Variants in VDAC1 observed in about 807,000 individuals in gnomAD.
The protein encoded by VDAC1 is non-selective voltage-gated ion channel VDAC1.
A neutral mutation model predicts 34.7 loss-of-function variants in VDAC1; 10 were observed. The ratio of observed to expected loss-of-function variants is 0.29; its 90% CI spans 0.18 to 0.49. VDAC1 has a LOEUF of 0.49. Among genes scored for constraint, VDAC1 ranks in the 20% least tolerant of loss-of-function variants. The pLI is 0.99. For missense variants in VDAC1, 230 were observed against 347.9 expected (o/e 0.66, Z 2.69); for synonymous variants, 130 against 136.0 (o/e 0.96, Z 0.30).
chr5:133,994,828 T>A (rs1753235449), intron 1 of VDAC1, among the ~76,000 whole-genome samples: 1 of 151,678 alleles, frequency 6.6e-6, no homozygotes, highest in African/African-American at 2.4e-5. Flanking sequence ...GGCCACAAAC[T>A]CAGCCGGGGT....
the VDAC1 span, among the ~76,000 whole-genome samples, chr5:134,072,673 C>T: frequency 6.6e-6 from 1 of 152,174 alleles, no homozygotes; most frequent in African/African-American, 2.4e-5. Flanking sequence ...GTCCAAGCCA[C>T]CAAGTAAGCC....
intron 1 of VDAC1, among the ~76,000 whole-genome samples, chr5:134,004,161 G>C (rs2302033): frequency 6.6e-6 from 1 of 151,950 alleles, no homozygotes; most frequent in Non-Finnish European, 1.5e-5. Context: ...CTGGGGACTC[G>C]GGGCCACGGT....
the VDAC1 span, among the ~76,000 whole-genome samples, chr5:134,074,278 CT>C: frequency 1.3e-5 from 2 of 151,214 alleles, no homozygotes; most frequent in Non-Finnish European, 2.9e-5. Context: ...TGCCATTACA[CT>C]GGGCCACAGA....
intron 6 of VDAC1, among the ~76,000 whole-genome samples, chr5:133,979,799 G>A (rs545760210): frequency 3.9e-5 from 6 of 152,184 alleles, no homozygotes; most frequent in South Asian, 2.1e-4. Context: ...TAACCATGAC[G>A]ACAGTCAGAA....
the VDAC1 span, among the ~76,000 whole-genome samples, chr5:134,040,101 C>CGA: frequency 9.0e-3 from 1,368 of 152,256 alleles, 24 homozygotes; most frequent in African/African-American, 0.031. Context: ...TTTTGGCACC[C>CGA]GAGAGAGAGA....
intron 6 of VDAC1, among the ~76,000 whole-genome samples, chr5:133,976,614 C>A (rs1339778164): frequency 6.6e-6 from 1 of 150,410 alleles, no homozygotes; most frequent in African/African-American, 2.4e-5. Context: ...CAGGATATAG[C>A]TTGGGCAACA....
At chr5:134,086,665 T>C in the VDAC1 span, among the ~76,000 whole-genome samples, 1 of 152,180 alleles carries the variant, frequency 6.6e-6, no homozygotes, top group African/African-American at 2.4e-5. Context: ...TCCTTCTTTT[T>C]CTTCCTTCTT....
At chr5:134,001,050 C>T (rs570249822) in intron 1 of VDAC1, among the ~76,000 whole-genome samples, 1 of 152,264 alleles carries the variant, frequency 6.6e-6, no homozygotes, top group South Asian at 2.1e-4. Flanking sequence ...CCAGTTGGCC[C>T]GCACACAGCC....
intron 5 of VDAC1, among the ~76,000 whole-genome samples, chr5:133,982,511 CAAAA>C (rs147731334): frequency 1.2e-5 from 1 of 81,312 alleles, no homozygotes; most frequent in African/African-American, 4.7e-5. Flanking sequence ...GACTCCGTCT[CAAAA>C]AAAAAAAAAA....
intron 1 of VDAC1, among the ~76,000 whole-genome samples, chr5:133,997,040 T>C (rs1190751198): frequency 2.6e-5 from 4 of 152,214 alleles, no homozygotes; most frequent in Admixed American, 2.6e-4. Context: ...AGAGCCACTG[T>C]TGAGTGACTA....
At chr5:134,029,416 T>C in the VDAC1 span, among the ~76,000 whole-genome samples, 60 of 152,356 alleles carry the variant, frequency 3.9e-4, no homozygotes, top group African/African-American at 1.4e-3. Flanking sequence ...GGAATCTGTA[T>C]TTTGTCACAC....
At chr5:134,113,475 G>A in the VDAC1 span, among the ~76,000 whole-genome samples, 1 of 152,224 alleles carries the variant, frequency 6.6e-6, no homozygotes, top group Non-Finnish European at 1.5e-5. Context: ...GCTTTGCACC[G>A]CTGCCAGGGG....
chr5:134,059,592 A>G, the VDAC1 span, among the ~76,000 whole-genome samples: 302 of 152,196 alleles, frequency 2.0e-3, no homozygotes, highest in Admixed American at 3.6e-3. Flanking sequence ...AGCTGACCCC[A>G]CAGGCCTCTG....
the VDAC1 span, among the ~76,000 whole-genome samples, chr5:134,097,985 G>A: frequency 1.3e-5 from 2 of 151,644 alleles, no homozygotes; most frequent in African/African-American, 2.4e-5. Flanking sequence ...TTCTCCAGCC[G>A]CAACTTCCCG....
chr5:134,021,003 CA>C, the VDAC1 span, among the ~76,000 whole-genome samples: 49,098 of 139,236 alleles, frequency 0.35, 8,719 homozygotes, highest in African/African-American at 0.47. Context: ...ACAAAAAATA[CA>C]AAAAAAAAAA....
chr5:134,050,784 A>C, the VDAC1 span, among the ~76,000 whole-genome samples: 6 of 152,198 alleles, frequency 3.9e-5, no homozygotes, highest in Non-Finnish European at 7.3e-5. Context: ...CACTGGGCAT[A>C]TCTGTGTTTG....
chr5:133,993,721 C>G (rs1166935770), intron 1 of VDAC1, among the ~76,000 whole-genome samples: 1 of 150,006 alleles, frequency 6.7e-6, no homozygotes, highest in Non-Finnish European at 1.5e-5. Context: ...TTTTTAAAAC[C>G]AACCATCAAA....
At chr5:134,104,291 A>G in the VDAC1 span, among the ~76,000 whole-genome samples, 1 of 152,142 alleles carries the variant, frequency 6.6e-6, no homozygotes, top group South Asian at 2.1e-4. Context: ...AAGCCCCAAG[A>G]AGGGAGGTGA....
the VDAC1 span, among the ~76,000 whole-genome samples, chr5:134,046,617 A>G: frequency 6.6e-6 from 1 of 152,216 alleles, no homozygotes; most frequent in African/African-American, 2.4e-5. Context: ...CCAGAAATGG[A>G]GGAAAATGCC....
Sources: allele counts gnomAD v4.1 joint callset (sites outside exome capture counted in the v4.1 genomes callset), GRCh38; gene constraint gnomAD v4.1.1; transcripts MANE v1.5; gene names NCBI Gene and HGNC (gene_info 2026-07-23, HGNC 2026-07-21).